Variants in CACNA2D3 observed in about 807,000 individuals in gnomAD.
The protein encoded by CACNA2D3 is calcium voltage-gated channel auxiliary subunit alpha2delta 3.
In CACNA2D3, 60 loss-of-function variants were observed where a neutral mutation model predicts 160.6. The ratio of observed to expected loss-of-function variants is 0.37; its 90% CI spans 0.30 to 0.46. The LOEUF is 0.46. Among genes scored for constraint, CACNA2D3 ranks in the 20% least tolerant of loss-of-function variants. CACNA2D3 has a pLI of 1.00. For missense variants in CACNA2D3, 1,205 were observed against 1,365.0 expected (o/e 0.88, Z 1.85); for synonymous variants, 558 against 492.9 (o/e 1.13, Z -1.75).
intron 3 of CACNA2D3, among the ~76,000 whole-genome samples, chr3:54,379,657 CTT>C (rs1385532834): frequency 2.0e-5 from 3 of 152,192 alleles, no homozygotes; most frequent in African/African-American, 7.2e-5. Flanking sequence ...GAATATTTCT[CTT>C]AATTGCTGTT....
intron 13 of CACNA2D3, among the ~76,000 whole-genome samples, chr3:54,811,404 G>T (rs1182388780): frequency 1.4e-5 from 2 of 147,786 alleles, no homozygotes; most frequent in Non-Finnish European, 3.0e-5. Flanking sequence ...CTCTACCTGG[G>T]GTCAGACTAT....
chr3:54,383,615 C>T (rs1699141866), intron 3 of CACNA2D3, among the ~76,000 whole-genome samples: 1 of 152,106 alleles, frequency 6.6e-6, no homozygotes. Flanking sequence ...ACATGCAGTG[C>T]TTGCTTCGGC....
At chr3:54,293,783 A>C (rs909531971) in intron 2 of CACNA2D3, among the ~76,000 whole-genome samples, 1 of 152,124 alleles carries the variant, frequency 6.6e-6, no homozygotes, top group Non-Finnish European at 1.5e-5. Flanking sequence ...TGGTTGCCAG[A>C]GGTTTGGGTT....
chr3:54,452,114 A>G (rs995243395), intron 4 of CACNA2D3, among the ~76,000 whole-genome samples: 2 of 152,232 alleles, frequency 1.3e-5, no homozygotes, highest in Non-Finnish European at 2.9e-5. Context: ...GGCTGCTAAT[A>G]AAGACATACC....
At chr3:54,957,031 A>G (rs1362560907) in intron 27 of CACNA2D3, among the ~76,000 whole-genome samples, 1 of 152,216 alleles carries the variant, frequency 6.6e-6, no homozygotes, top group African/African-American at 2.4e-5. Context: ...AGGATTAGCA[A>G]TAAAGTTTTT....
chr3:55,031,472 T>G (rs1006558270), intron 35 of CACNA2D3, among the ~76,000 whole-genome samples: 1 of 152,204 alleles, frequency 6.6e-6, no homozygotes, highest in Admixed American at 6.5e-5. Flanking sequence ...ATGCAGCATG[T>G]TGAATATAGA....
intron 5 of CACNA2D3, among the ~76,000 whole-genome samples, chr3:54,561,538 T>G (rs1195030302): frequency 6.6e-6 from 1 of 152,240 alleles, no homozygotes; most frequent in African/African-American, 2.4e-5. Flanking sequence ...ATAGTTTGAC[T>G]TCCTTTCTTC....
chr3:55,004,824 C>CAGG lies in CACNA2D3; in HGVS notation c.2753_2754insGGA (p.His918delinsGlnAsp), dbSNP rs1385293284. 1 of 1,612,976 alleles carries CAGG rather than the reference C, an allele frequency of 6.2e-7. No individual in the cohort carries two copies. Reference sequence around the variant, plus strand: ...CAACAAGGAAAGCAGCGATGGCGCCCATGGCCTCCTGGATGTAAGTACTAT... The same window carrying CAGG: ...CAACAAGGAAAGCAGCGATGGCGCCCAGGATGGCCTCCTGGATGTAAGTACTAT... On this transcript the variant is annotated protein_altering_variant, in exon 32 of 38. Transcript: ENST00000474759.
chr3:54,516,768 G>A (rs1372907226), intron 5 of CACNA2D3, among the ~76,000 whole-genome samples: 2 of 152,174 alleles, frequency 1.3e-5, no homozygotes, highest in South Asian at 4.1e-4. Flanking sequence ...AATTGGATCA[G>A]AACTGACTTT....
chr3:54,927,429 C>T (rs1420884266), intron 27 of CACNA2D3, among the ~76,000 whole-genome samples: 2 of 152,120 alleles, frequency 1.3e-5, no homozygotes, highest in African/African-American at 2.4e-5. Flanking sequence ...AAACATCTTC[C>T]CCTCAGTAAT....
At chr3:54,751,880 C>T (rs1362287751) in intron 11 of CACNA2D3, among the ~76,000 whole-genome samples, 1 of 152,198 alleles carries the variant, frequency 6.6e-6, no homozygotes, top group Non-Finnish European at 1.5e-5. Flanking sequence ...TTAACCTTTT[C>T]ATTCCTTATC....
chr3:54,703,356 C>T (rs1247289980), intron 11 of CACNA2D3, among the ~76,000 whole-genome samples: 2 of 152,126 alleles, frequency 1.3e-5, no homozygotes, highest in African/African-American at 4.8e-5. Context: ...CTAGAATTTA[C>T]TTATAAGAAT....
At chr3:54,575,999 C>G (rs150314218) in intron 8 of CACNA2D3, among the ~76,000 whole-genome samples, 1 of 152,184 alleles carries the variant, frequency 6.6e-6, no homozygotes, top group African/African-American at 2.4e-5. Flanking sequence ...GAGAGGCAAG[C>G]CAGATCGAAC....
intron 17 of CACNA2D3, among the ~76,000 whole-genome samples, chr3:54,856,314 G>T (rs1575513685): frequency 6.6e-6 from 1 of 152,326 alleles, no homozygotes; most frequent in African/African-American, 2.4e-5. Context: ...AGGGAAGGCT[G>T]CAGGGAGCTG....
At chr3:54,717,840 A>C (rs1477351325) in intron 11 of CACNA2D3, among the ~76,000 whole-genome samples, 3 of 100,254 alleles carry the variant, frequency 3.0e-5, no homozygotes, top group African/African-American at 1.2e-4. Context: ...TGTGTGCGTG[A>C]GTGTGTGTGT....
At chr3:54,856,827 C>G (rs1699182512) in intron 17 of CACNA2D3, among the ~76,000 whole-genome samples, 1 of 152,194 alleles carries the variant, frequency 6.6e-6, no homozygotes. Flanking sequence ...GTTGCCCAGG[C>G]TGGAGTGCAG....
chr3:54,655,434 C>G (rs556233701), intron 11 of CACNA2D3, among the ~76,000 whole-genome samples: 1 of 152,178 alleles, frequency 6.6e-6, no homozygotes, highest in East Asian at 1.9e-4. Context: ...TTCAACCACT[C>G]GCATTGTTAA....
At chr3:54,708,144 T>G (rs1700890089) in intron 11 of CACNA2D3, among the ~76,000 whole-genome samples, 1 of 152,180 alleles carries the variant, frequency 6.6e-6, no homozygotes, top group Non-Finnish European at 1.5e-5. Flanking sequence ...ATTCCTGGCC[T>G]CGAGTCGATC....
chr3:54,996,087 G>C (rs1702852253), intron 31 of CACNA2D3, among the ~76,000 whole-genome samples: 1 of 152,208 alleles, frequency 6.6e-6, no homozygotes. Flanking sequence ...CCAACACTCA[G>C]AGGTACTAAC....
Sources: gnomAD v4.1 joint callset for allele counts (sites outside exome capture counted in the v4.1 genomes callset) on GRCh38, gnomAD v4.1.1 for gene constraint, MANE v1.5 for transcripts, NCBI Gene and HGNC (gene_info 2026-07-23, HGNC 2026-07-21) for gene names.